The following BCKDHB variants were observed in gnomAD, a reference collection of about 807,000 sequenced individuals.
BCKDHB encodes the protein branched chain keto acid dehydrogenase E1 subunit beta, also known as 2-oxoisovalerate dehydrogenase subunit beta, mitochondrial.
Under a neutral mutation model 48.5 loss-of-function variants are expected in BCKDHB, and 41 were observed. That is an observed-to-expected ratio of 0.85 (90% CI 0.66 to 1.10). The LOEUF is 1.10. Ranked by LOEUF, BCKDHB falls within the 50% of genes least tolerant of loss-of-function variation. The probability of loss-of-function intolerance (pLI) is 0.00; values close to 1 mark genes in which losing one functional copy is unlikely to be tolerated. For missense variants in BCKDHB, 496 were observed against 494.2 expected, an observed-to-expected ratio of 1.00 and a Z score of -0.03; for synonymous variants, 201 against 174.8, an observed-to-expected ratio of 1.15 and a Z score of -1.18.
intron 9 of BCKDHB, among the ~76,000 whole-genome samples, chr6:80,332,633 T>G (rs578197624): frequency 1.4e-5 from 2 of 144,492 alleles, no homozygotes; most frequent in South Asian, 4.3e-4. Flanking sequence ...TAGCCATAAA[T>G]AAGGAAATAA....
chr6:80,112,399 A>G (rs1314239023), intron 1 of BCKDHB, among the ~76,000 whole-genome samples: 3 of 152,190 alleles, frequency 2.0e-5, no homozygotes, highest in African/African-American at 7.2e-5. Context: ...GGAGAACACC[A>G]CATGCTAACC....
Position 80,293,253 on chromosome 6 carries a change from C to T in BCKDHB, c.1038+20032C>T, listed in dbSNP as rs117017751. 2.2e-4 allele frequency among the ~76,000 whole-genome samples: 34 copies of T among 152,346 alleles called. No homozygotes were observed. In the East Asian group the frequency reaches 5.8e-3, roughly 26 times the overall value. On this transcript the variant is annotated intron_variant, in intron 9 of 9. Coordinates refer to ENST00000320393, the MANE Select transcript of BCKDHB (RefSeq NM_183050.4). ...CGGAGGGTTCTACCTCTGCAGCACA[C>T]CTCTGCCTGGACATCCAGATATTTC...
chr6:80,122,756 G>C (rs1283355611), intron 1 of BCKDHB, among the ~76,000 whole-genome samples: 1 of 152,168 alleles, frequency 6.6e-6, no homozygotes, highest in African/African-American at 2.4e-5. Context: ...TCTATCTTCA[G>C]CTTTGCACAT....
At chr6:80,433,090 G>A in the BCKDHB span, among the ~76,000 whole-genome samples, 3 of 152,172 alleles carry the variant, frequency 2.0e-5, no homozygotes, top group Admixed American at 2.0e-4. Context: ...TGTATGAGGT[G>A]TCTGTTGGCC....
intron 8 of BCKDHB, among the ~76,000 whole-genome samples, chr6:80,265,051 A>C (rs1777456689): frequency 6.6e-6 from 1 of 152,106 alleles, no homozygotes; most frequent in African/African-American, 2.4e-5. Flanking sequence ...TCAAAACTAC[A>C]GAAAATAAGT....
At chr6:80,189,940 AC>A (rs1773815702) in intron 6 of BCKDHB, among the ~76,000 whole-genome samples, 1 of 152,156 alleles carries the variant, frequency 6.6e-6, no homozygotes, top group Non-Finnish European at 1.5e-5. Context: ...TTAATATTGG[AC>A]TACAAATAAT....
chr6:80,193,305 T>G (rs916597477), intron 6 of BCKDHB, among the ~76,000 whole-genome samples: 1 of 152,010 alleles, frequency 6.6e-6, no homozygotes, highest in Non-Finnish European at 1.5e-5. Context: ...AACAGGTGAT[T>G]TTTTTTTAAT....
chr6:80,291,309 A>G (rs1766901018), intron 9 of BCKDHB, among the ~76,000 whole-genome samples: 1 of 152,192 alleles, frequency 6.6e-6, no homozygotes, highest in Non-Finnish European at 1.5e-5. Flanking sequence ...TCTAATTGTC[A>G]GGGTGTCTTG....
At chr6:80,370,506 C>T in the BCKDHB span, among the ~76,000 whole-genome samples, 1 of 152,092 alleles carries the variant, frequency 6.6e-6, no homozygotes, top group Non-Finnish European at 1.5e-5. Context: ...ATCACCAGAG[C>T]ACCATACACT....
intron 1 of BCKDHB, among the ~76,000 whole-genome samples, chr6:80,109,750 G>T (rs2490235): frequency 6.6e-6 from 1 of 152,228 alleles, no homozygotes; most frequent in African/African-American, 2.4e-5. Flanking sequence ...TACTATCTAC[G>T]ATTATTGCAT....
intron 6 of BCKDHB, among the ~76,000 whole-genome samples, chr6:80,194,912 C>CTTA (rs1554193744): frequency 6.6e-6 from 1 of 152,156 alleles, no homozygotes; most frequent in Non-Finnish European, 1.5e-5. Context: ...CCTTGTCATG[C>CTTA]TTATGGCTTG....
chr6:80,224,725 T>G (rs1024075497), intron 8 of BCKDHB, among the ~76,000 whole-genome samples: 2 of 152,188 alleles, frequency 1.3e-5, no homozygotes, highest in African/African-American at 4.8e-5. Context: ...TCTTCCTCTT[T>G]TATACTACCA....
the BCKDHB span, among the ~76,000 whole-genome samples, chr6:80,430,621 T>C: frequency 6.6e-6 from 1 of 152,194 alleles, no homozygotes; most frequent in East Asian, 1.9e-4. Flanking sequence ...GTGTTTATTG[T>C]ATTCTGTGAT....
chr6:80,322,700 A>G (rs554706812), intron 9 of BCKDHB, among the ~76,000 whole-genome samples: 1 of 152,288 alleles, frequency 6.6e-6, no homozygotes, highest in Admixed American at 6.5e-5. Flanking sequence ...CAAAAATAGC[A>G]TGCATCAAGA....
the BCKDHB span, among the ~76,000 whole-genome samples, chr6:80,401,675 G>A: frequency 3.3e-5 from 5 of 151,822 alleles, no homozygotes; most frequent in East Asian, 9.7e-4. Context: ...TTATATTAGA[G>A]CTACAGAATT....
chr6:80,343,698 C>G lies in BCKDHB; in HGVS notation c.1073C>G (p.Ser358Ter). Residue 358 changes from serine to a stop codon, truncating the protein, a stop_gained, in exon 10 of 10, where the codon TCA (serine) becomes TGA (stop). Transcript: ENST00000320393. LOFTEE classifies it high-confidence loss of function. ...ECFLNLEAPISRVCGYDTPFP... is the reference protein window; with the variant it reads ...ECFLNLEAPI ...TTCTTGAACCTAGAGGCTCCTATAT[C>G]AAGAGTATGTGGTTATGACACACCA... 1 of 1,613,978 alleles carries G rather than the reference C, an allele frequency of 6.2e-7. No individual in the cohort carries two copies. Among genetic ancestry groups the G allele is most frequent in the Non-Finnish European group, 8.5e-7 (1 of 1,179,946 alleles).
chr6:80,291,163 A>G (rs546472643), intron 9 of BCKDHB, among the ~76,000 whole-genome samples: 16 of 152,266 alleles, frequency 1.1e-4, no homozygotes, highest in African/African-American at 3.4e-4. Flanking sequence ...TTTATTCAAG[A>G]TGGAGTTGCT....
intron 8 of BCKDHB, among the ~76,000 whole-genome samples, chr6:80,258,799 G>A (rs1777167558): frequency 6.6e-6 from 1 of 150,672 alleles, no homozygotes; most frequent in African/African-American, 2.4e-5. Flanking sequence ...TTCTATCACT[G>A]ATGCTCAAGT....
the BCKDHB span, among the ~76,000 whole-genome samples, chr6:80,451,539 A>T: frequency 6.6e-6 from 1 of 152,030 alleles, no homozygotes; most frequent in African/African-American, 2.4e-5. Flanking sequence ...AGAGTTCGAA[A>T]CCAGCCTGGC....
Sources: allele counts gnomAD v4.1 joint callset (sites outside exome capture counted in the v4.1 genomes callset), GRCh38; gene constraint gnomAD v4.1.1; transcripts MANE v1.5; gene names NCBI Gene and HGNC (gene_info 2026-07-23, HGNC 2026-07-21).